The following GALNT13 variants were observed in gnomAD, a reference collection of about 807,000 sequenced individuals.
The protein encoded by GALNT13 is polypeptide N-acetylgalactosaminyltransferase 13, also known as UDP-GalNAc:polypeptide N-acetylgalactosaminyltransferase 13.
GALNT13 carries 28 observed loss-of-function variants against 64.2 expected under a neutral mutation model. That is an observed-to-expected ratio of 0.44 (90% confidence interval 0.32 to 0.60). The LOEUF (loss-of-function observed/expected upper bound fraction) is 0.60. GALNT13 is among the 20% of genes least tolerant of loss of function. GALNT13 has a pLI of 0.05. For missense variants in GALNT13, 577 were observed against 669.8 expected (o/e 0.86, Z 1.53); for synonymous variants, 214 against 224.6 (o/e 0.95, Z 0.42).
the GALNT13 span, among the ~76,000 whole-genome samples, chr2:153,717,078 A>G: frequency 6.6e-6 from 1 of 152,202 alleles, no homozygotes; most frequent in South Asian, 2.1e-4. Flanking sequence ...ATAACCATTC[A>G]ATATTGCTGG....
At chr2:154,386,624 TGATA>T (rs1698526136) in intron 9 of GALNT13, among the ~76,000 whole-genome samples, 1 of 151,988 alleles carries the variant, frequency 6.6e-6, no homozygotes, top group Non-Finnish European at 1.5e-5. Context: ...CATTTAGACT[TGATA>T]GGGGTCAAGA....
chr2:154,099,428 C>G (rs1312521301), intron 3 of GALNT13, among the ~76,000 whole-genome samples: 1 of 152,052 alleles, frequency 6.6e-6, no homozygotes, highest in Non-Finnish European at 1.5e-5. Flanking sequence ...TTACTTAAGT[C>G]CCATCTGTCT....
the GALNT13 span, among the ~76,000 whole-genome samples, chr2:153,525,407 C>G: frequency 6.6e-6 from 1 of 152,136 alleles, no homozygotes; most frequent in South Asian, 2.1e-4. Flanking sequence ...CCGTAAGCAC[C>G]AGCTTGGCCA....
the GALNT13 span, among the ~76,000 whole-genome samples, chr2:153,472,061 TC>T: frequency 6.6e-6 from 1 of 152,166 alleles, no homozygotes; most frequent in Non-Finnish European, 1.5e-5. Context: ...AACTACATGA[TC>T]CTGCTCAATT....
chr2:153,980,020 T>G (rs1291680190), intron 3 of GALNT13, among the ~76,000 whole-genome samples: 2 of 152,166 alleles, frequency 1.3e-5, no homozygotes, highest in Admixed American at 6.6e-5. Flanking sequence ...ACTTAAAAGT[T>G]AAAGACAGAA....
intron 3 of GALNT13, among the ~76,000 whole-genome samples, chr2:154,017,601 G>GT (rs1338274986): frequency 6.6e-6 from 1 of 151,936 alleles, no homozygotes; most frequent in African/African-American, 2.4e-5. Context: ...TATAATGAAT[G>GT]TTTTTTTCTT....
At chr2:154,013,658 T>C (rs1315825529) in intron 3 of GALNT13, among the ~76,000 whole-genome samples, 1 of 151,962 alleles carries the variant, frequency 6.6e-6, no homozygotes, top group African/African-American at 2.4e-5. Context: ...GTGCACGCAG[T>C]TGCACCCACC....
At chr2:154,269,926 T>TTTATATATATGTGTATATATATA (rs1553506260) in intron 8 of GALNT13, among the ~76,000 whole-genome samples, 1 of 33,340 alleles carries the variant, frequency 3.0e-5, no homozygotes, top group Non-Finnish European at 7.6e-5. Flanking sequence ...ATATATATAT[T>TTTATATATATGTGTATATATATA]TCTAAAGCAC....
At chr2:153,369,119 CAAAT>C in the GALNT13 span, among the ~76,000 whole-genome samples, 1 of 151,864 alleles carries the variant, frequency 6.6e-6, no homozygotes. Context: ...TATTTTGAAA[CAAAT>C]GAATGTAAAA....
chr2:153,223,007 G>A, the GALNT13 span, among the ~76,000 whole-genome samples: 2 of 152,254 alleles, frequency 1.3e-5, no homozygotes, highest in Admixed American at 6.5e-5. Flanking sequence ...TTCCCGGCCT[G>A]CTGGCTCAGT....
At chr2:153,080,264 A>C in the GALNT13 span, among the ~76,000 whole-genome samples, 2 of 151,992 alleles carry the variant, frequency 1.3e-5, no homozygotes, top group African/African-American at 4.8e-5. Context: ...TAATTGATTT[A>C]AGCTGTTTAG....
chr2:154,357,007 A>G (rs1031768009), intron 9 of GALNT13, among the ~76,000 whole-genome samples: 2 of 152,000 alleles, frequency 1.3e-5, no homozygotes, highest in Non-Finnish European at 2.9e-5. Context: ...AGATTGATTG[A>G]AATGAAATAA....
the GALNT13 span, chr2:153,478,574 C>G: frequency 6.6e-7 from 1 of 1,519,618 alleles, no homozygotes; most frequent in Non-Finnish European, 8.8e-7. Context: ...ATCGCAGGAA[C>G]GGGCGGGCGC....
chr2:154,111,520 G>A (rs1702985948), intron 3 of GALNT13, among the ~76,000 whole-genome samples: 1 of 152,150 alleles, frequency 6.6e-6, no homozygotes, highest in South Asian at 2.1e-4. Flanking sequence ...TTAACTTCTA[G>A]TTTAATGGAA....
At chr2:154,235,744 G>A (rs1411924982) in intron 4 of GALNT13, among the ~76,000 whole-genome samples, 1 of 152,080 alleles carries the variant, frequency 6.6e-6, no homozygotes, top group Non-Finnish European at 1.5e-5. Context: ...CTAAATCACT[G>A]TGTAATCATG....
the GALNT13 span, among the ~76,000 whole-genome samples, chr2:153,769,107 T>G: frequency 6.6e-6 from 1 of 152,170 alleles, no homozygotes; most frequent in Non-Finnish European, 1.5e-5. Flanking sequence ...AGGTTAATAT[T>G]ATTATGTGGG....
At chr2:153,615,112 A>G in the GALNT13 span, among the ~76,000 whole-genome samples, 2 of 152,098 alleles carry the variant, frequency 1.3e-5, no homozygotes, top group Admixed American at 1.3e-4. Context: ...ACCCACACAT[A>G]AGTGAAAAAC....
chr2:154,144,122 A>T (rs1048976244), intron 4 of GALNT13, among the ~76,000 whole-genome samples: 1 of 152,034 alleles, frequency 6.6e-6, no homozygotes, highest in Non-Finnish European at 1.5e-5. Flanking sequence ...TTTTCATTTT[A>T]TTTTTATATA....
chr2:154,015,849 T>C (rs1448401766), intron 3 of GALNT13, among the ~76,000 whole-genome samples: 4 of 152,210 alleles, frequency 2.6e-5, no homozygotes, highest in South Asian at 2.1e-4. Flanking sequence ...CTTTAAATTT[T>C]AAAATTATAT....
Sources: allele counts gnomAD v4.1 joint callset (sites outside exome capture counted in the v4.1 genomes callset), GRCh38; gene constraint gnomAD v4.1.1; transcripts MANE v1.5; gene names NCBI Gene and HGNC (gene_info 2026-07-23, HGNC 2026-07-21).